The following SGMS2 variants were observed in gnomAD, a reference collection of about 807,000 sequenced individuals.
The protein encoded by SGMS2 is sphingomyelin synthase 2, also known as phosphatidylcholine:ceramide cholinephosphotransferase 2.
SGMS2 carries 21 observed loss-of-function variants against 43.8 expected under a neutral mutation model. The ratio of observed to expected loss-of-function variants is 0.48; its 90% CI spans 0.34 to 0.69. The LOEUF is 0.69. Among genes scored for constraint, SGMS2 ranks in the 30% least tolerant of loss-of-function variants. The pLI is 0.01. For missense variants in SGMS2, 384 were observed against 443.2 expected, an observed-to-expected ratio of 0.87 and a Z score of 1.20; for synonymous variants, 167 against 160.6, an observed-to-expected ratio of 1.04 and a Z score of -0.30.
intron 2 of SGMS2, among the ~76,000 whole-genome samples, chr4:107,885,647 C>G (rs1729689546): frequency 6.6e-6 from 1 of 151,910 alleles, no homozygotes; most frequent in Non-Finnish European, 1.5e-5. Flanking sequence ...ATTGTTCTAG[C>G]CAATTAAGCC....
chr4:107,824,897 C>G (rs1375426272), upstream of SGMS2: 10 of 152,056 alleles, frequency 6.6e-5, no homozygotes, highest in African/African-American at 2.2e-4. Flanking sequence ...CCGCGCGCGG[C>G]GGGCGGGGAG....
chr4:107,847,648 G>A (rs998429591), intron 1 of SGMS2, among the ~76,000 whole-genome samples: 1 of 152,046 alleles, frequency 6.6e-6, no homozygotes, highest in Non-Finnish European at 1.5e-5. Flanking sequence ...TTTGACTAAT[G>A]TTTGGGTGTT....
intron 1 of SGMS2, among the ~76,000 whole-genome samples, chr4:107,844,915 G>T (rs1177275507): frequency 6.6e-6 from 1 of 152,322 alleles, no homozygotes; most frequent in Non-Finnish European, 1.5e-5. Context: ...TCCTAATGGA[G>T]ACTGGACCAT....
chr4:107,901,400 A>G (rs1731099428), intron 4 of SGMS2, among the ~76,000 whole-genome samples: 1 of 152,202 alleles, frequency 6.6e-6, no homozygotes, highest in Non-Finnish European at 1.5e-5. Context: ...TTACAAAGCT[A>G]TTACAAAATC....
rs537920603 is a variant in SGMS2, at chr4:107,857,073, G to A, written c.-326-1399G>A. 1.7e-3 allele frequency among the ~76,000 whole-genome samples: 254 copies of A among 152,210 alleles called. 3 individuals are homozygous for A. Among genetic ancestry groups the A allele is most frequent in the African/African-American group, 5.7e-3 (236 of 41,522 alleles). ...CAACCACAAATCTTTCTGTCTTTAT[G>A]GATTTGCCTATTCTGCACATTTCAT... On this transcript the variant is annotated intron_variant, in intron 1 of 6. Coordinates refer to ENST00000690982, the MANE Select transcript of SGMS2 (RefSeq NM_001375905.1).
intron 1 of SGMS2, among the ~76,000 whole-genome samples, chr4:107,835,381 C>T (rs1238016569): frequency 6.6e-6 from 1 of 152,134 alleles, no homozygotes; most frequent in East Asian, 1.9e-4. Context: ...TTTGGAGTCA[C>T]TTTGCGACTT....
chr4:107,881,812 C>G (rs1430273408), intron 2 of SGMS2, among the ~76,000 whole-genome samples: 1 of 152,110 alleles, frequency 6.6e-6, no homozygotes, highest in Non-Finnish European at 1.5e-5. Context: ...TCTCTATCAC[C>G]ATAAGTTCAA....
intron 4 of SGMS2, among the ~76,000 whole-genome samples, chr4:107,902,774 T>G (rs1251088523): frequency 1.3e-5 from 2 of 152,178 alleles, no homozygotes; most frequent in East Asian, 3.8e-4. Context: ...CAGACATTAA[T>G]GCAGCTATAT....
chr4:107,872,052 G>T (rs1374659955), intron 2 of SGMS2, among the ~76,000 whole-genome samples: 2 of 152,032 alleles, frequency 1.3e-5, no homozygotes, highest in Admixed American at 1.3e-4. Flanking sequence ...GAACTCAAAG[G>T]CAAAAATCCA....
At chr4:107,883,702 A>C (rs1237397425) in intron 2 of SGMS2, among the ~76,000 whole-genome samples, 2 of 152,212 alleles carry the variant, frequency 1.3e-5, no homozygotes, top group African/African-American at 4.8e-5. Flanking sequence ...GATTATTTCC[A>C]ATTTTCCCTT....
chr4:107,899,610 G>T lies in SGMS2; in HGVS notation c.491G>T (p.Gly164Val). 1 of 1,610,464 alleles carries T rather than the reference G, an allele frequency of 6.2e-7. No individual in the cohort carries two copies. The highest frequency in any genetic ancestry group is 8.5e-7 in the Non-Finnish European group (1 of 1,178,444). The part of the protein sequence containing the change: ...IVGRRFCFII[G>V]TLYLYRCITM... ...GGACGCAGATTCTGTTTTATTATTG[G>T]AACTTTATACCTGTATCGCTGCATT... Residue 164 changes from glycine to valine, a missense_variant, in exon 4 of 7, where the codon GGA becomes GTA. Transcript: ENST00000690982.
intron 4 of SGMS2, among the ~76,000 whole-genome samples, chr4:107,900,725 A>G (rs1266887370): frequency 1.3e-5 from 2 of 152,226 alleles, no homozygotes; most frequent in African/African-American, 4.8e-5. Context: ...GAAGTCTAAC[A>G]TCATATTTTA....
At chr4:107,877,534 G>T (rs1459508306) in intron 2 of SGMS2, among the ~76,000 whole-genome samples, 1 of 152,152 alleles carries the variant, frequency 6.6e-6, no homozygotes, top group African/African-American at 2.4e-5. Context: ...CAGGGTGTTT[G>T]GCCTAAACAA....
At chr4:107,848,434 A>G (rs1726952454) in intron 1 of SGMS2, among the ~76,000 whole-genome samples, 1 of 152,178 alleles carries the variant, frequency 6.6e-6, no homozygotes, top group Non-Finnish European at 1.5e-5. Flanking sequence ...GTAAATACCA[A>G]GGAGAACTAT....
chr4:107,913,214 CAT>C lies in SGMS2; in HGVS notation c.*2665_*2666del, dbSNP rs1732236037. 1 of 151,862 alleles carries C rather than the reference CAT, an allele frequency of 6.6e-6. No homozygotes were observed. The highest frequency in any genetic ancestry group is 2.4e-5 in the African/African-American group (1 of 41,364). The allele number at this position is 151,862 out of a possible 1,614,324, so 9.4% of individuals were successfully genotyped here. On this transcript the variant is annotated 3_prime_UTR_variant, in exon 7 of 7. Coordinates refer to ENST00000690982, the MANE Select transcript of SGMS2 (RefSeq NM_001375905.1). ...TAGGTTGTCTGTGAAATACCTATAA[CAT>C]ATAATTCCTATAGAGTATGCCACAT...
intron 1 of SGMS2, among the ~76,000 whole-genome samples, chr4:107,835,598 C>T (rs1208399527): frequency 6.6e-6 from 1 of 152,182 alleles, no homozygotes; most frequent in African/African-American, 2.4e-5. Context: ...GACTCTGACT[C>T]ATTTGCTTAC....
Position 107,895,378 on chromosome 4 carries a change from A to G in SGMS2, c.-176A>G, listed in dbSNP as rs1163277331. The G allele has an allele frequency of 4.5e-6, 3 of 661,988 alleles. No homozygotes were observed. Among genetic ancestry groups the G allele is most frequent in the South Asian group, 2.1e-5 (1 of 48,742 alleles). The allele number at this position is 661,988 out of a possible 1,614,324, so 41.0% of individuals were successfully genotyped here. On this transcript the variant is annotated 5_prime_UTR_variant, in exon 3 of 7. The change creates a new upstream start codon in the 5' untranslated region. Coordinates refer to ENST00000690982, the MANE Select transcript of SGMS2 (RefSeq NM_001375905.1). Reference sequence around the variant, plus strand: ...CTTGAAAGTGGTGAAGGTACAGCATATAGCTGCATGGAAGAAACAGTAATC... The same window carrying G: ...CTTGAAAGTGGTGAAGGTACAGCATGTAGCTGCATGGAAGAAACAGTAATC...
intron 2 of SGMS2, among the ~76,000 whole-genome samples, chr4:107,860,382 C>T (rs1012268518): frequency 2.6e-5 from 4 of 152,038 alleles, no homozygotes; most frequent in Admixed American, 6.6e-5. Context: ...TGCTCTTAAA[C>T]AGTACTGCAG....
intron 1 of SGMS2, among the ~76,000 whole-genome samples, chr4:107,835,205 T>C (rs1726104476): frequency 6.6e-6 from 1 of 151,914 alleles, no homozygotes; most frequent in African/African-American, 2.4e-5. Flanking sequence ...GAATCAGAAA[T>C]AGTGTAGAAT....
Sources: allele counts gnomAD v4.1 joint callset (sites outside exome capture counted in the v4.1 genomes callset), GRCh38; gene constraint gnomAD v4.1.1; transcripts MANE v1.5; gene names NCBI Gene and HGNC (gene_info 2026-07-23, HGNC 2026-07-21).